The following ERBB2 variants were observed in gnomAD, a reference collection of about 807,000 sequenced individuals.
ERBB2 encodes receptor tyrosine-protein kinase erbB-2.
A neutral mutation model predicts 149.0 loss-of-function variants in ERBB2; 61 were observed. The observed-to-expected ratio is 0.41, with a 90% confidence interval of 0.33 to 0.51. The LOEUF is 0.51. Among genes scored for constraint, ERBB2 ranks in the 20% least tolerant of loss-of-function variants. The pLI is 0.25. For synonymous variants in ERBB2, 633 were observed against 678.8 expected, an observed-to-expected ratio of 0.93 and a Z score of 1.05; for missense variants, 1,205 against 1,655.1, an observed-to-expected ratio of 0.73 and a Z score of 4.72.
upstream of ERBB2, among the ~76,000 whole-genome samples, chr17:39,698,517 C>T (rs2057926068): frequency 6.6e-6 from 1 of 152,098 alleles, no homozygotes; most frequent in Admixed American, 6.6e-5. Flanking sequence ...CCTCGGCCTC[C>T]CAAAGTGCTG....
rs772604432 is a variant in ERBB2, at chr17:39,727,376, G to T, written c.3241G>T (p.Ala1081Ser). 2 of 1,610,880 alleles carry T rather than the reference G, an allele frequency of 1.2e-6. No homozygotes were observed. The highest frequency in any genetic ancestry group is 8.5e-7 in the Non-Finnish European group (1 of 1,178,958). Reference protein sequence around the residue: ...PRSPLAPSEGAGSDVFDGDLG... With the variant: ...PRSPLAPSEGSGSDVFDGDLG... The stretch of plus-strand genomic sequence containing the variant: ...GTCTCCACTGGCACCCTCCGAAGGG[G>T]CTGGCTCCGATGTATTTGATGGTGA... Residue 1081 changes from alanine (A) to serine (S), a missense_variant, in exon 26 of 27, where the codon GCT (alanine) becomes TCT (serine). Ala to Ser is a moderately conservative substitution (Grantham distance 99). Coordinates refer to ENST00000269571, the MANE Select transcript of ERBB2 (RefSeq NM_004448.4). The surrounding 1 kb of genome is among the most constrained non-coding windows in gnomAD (Gnocchi z 4.3).
At chr17:39,716,663 G>A (rs2145693403) in intron 14 of ERBB2, 58 bp downstream of exon 14, 1 of 1,475,846 alleles carries the variant, frequency 6.8e-7, no homozygotes, top group Non-Finnish European at 9.4e-7. Flanking sequence ...GGATTGCCAG[G>A]GACTTGGCAG....
chr17:39,699,707 A>G (rs2057973211), upstream of ERBB2: 9 of 734,186 alleles, frequency 1.2e-5, no homozygotes, highest in Non-Finnish European at 1.9e-5. Context: ...GCTCCCCAGG[A>G]AAGTTTAAGA....
Position 39,721,261 on chromosome 17 carries a change from C to CT in ERBB2, c.1946+1449dup, listed in dbSNP as rs33957748. The stretch of plus-strand genomic sequence containing the variant: ...CACCACTCCTGGCGATGAGCCAAGT[C>CT]TTTTTTTTTTTTTTTTTTTTTTGAT... On this transcript the variant is annotated intron_variant, in intron 16 of 26. Transcript: ENST00000269571. Among the ~76,000 whole-genome samples the CT allele has an allele frequency of 8.1e-3, 669 of 82,942 alleles. 11 individuals carry two copies. The highest frequency in any genetic ancestry group is 0.014 in the African/African-American group (319 of 23,300). 54.4% of individuals were successfully genotyped at this position (82,942 alleles called of 152,430 possible).
chr17:39,695,684 A>T (rs2057841192), upstream of ERBB2, among the ~76,000 whole-genome samples: 1 of 131,298 alleles, frequency 7.6e-6, no homozygotes, highest in South Asian at 2.6e-4. Flanking sequence ...AGGTAGAGGG[A>T]GGAGACTTTG....
chr17:39,698,530 A>G (rs1309915007), upstream of ERBB2, among the ~76,000 whole-genome samples: 2 of 152,136 alleles, frequency 1.3e-5, no homozygotes, highest in Non-Finnish European at 2.9e-5. Context: ...AAGTGCTGGA[A>G]TTACAGGTGT....
At position 39,726,604 on chromosome 17, in the gene ERBB2, T is replaced by C. The variant is rs778440239; in HGVS notation, c.2915T>C (p.Leu972Ser). Residue 972 changes from leucine (L) to serine (S), a missense_variant, in exon 24 of 27, where the codon TTG becomes TCG. Transcript: ENST00000269571. This position sits in a 1 kb window ranked among gnomAD's most constrained non-coding sequence, Gnocchi z 5.1. ...DSECRPRFRE[L>S]VSEFSRMARD... ...GAATGTCGGCCAAGATTCCGGGAGT[T>C]GGTGTCTGAATTCTCCCGCATGGCC... The C allele has an allele frequency of 6.2e-7, 1 of 1,614,162 alleles. No individual in the cohort carries two copies. Among genetic ancestry groups the C allele is most frequent in the South Asian group, 1.1e-5 (1 of 91,092 alleles).
upstream of ERBB2, among the ~76,000 whole-genome samples, chr17:39,694,255 ATATATATATATATGTG>A (rs1567888069): frequency 1.1e-4 from 3 of 28,266 alleles, no homozygotes; most frequent in African/African-American, 2.9e-4. Flanking sequence ...ATATATATAT[ATATATATATATATGTG>A]TGTATATATA....
chr17:39,694,313 ATACACACACACATATATATGTGT>A (rs2057809915), upstream of ERBB2, among the ~76,000 whole-genome samples: 1 of 128,616 alleles, frequency 7.8e-6, no homozygotes, highest in Admixed American at 8.2e-5. Context: ...GTATATATAT[ATACACACACACATATATATGTGT>A]ATATATAAAA....
Position 39,728,167 on chromosome 17 carries a change from G to A in ERBB2, c.*123G>A. 1.5e-6 allele frequency: 1 copy of A among 684,192 alleles called. No individual in the cohort carries two copies. The allele number at this position is 684,192 out of a possible 1,614,324, so 42.4% of individuals were successfully genotyped here. On this transcript the variant is annotated 3_prime_UTR_variant, in exon 27 of 27. Coordinates refer to ENST00000269571, the MANE Select transcript of ERBB2 (RefSeq NM_004448.4). The stretch of plus-strand genomic sequence containing the variant: ...ACTTCCAGGGGAACCTGCCATGCCA[G>A]GAACCTGTCCTAAGGAACCTTCCTT...
chr17:39,715,475 A>C lies in ERBB2; in HGVS notation c.1252A>C (p.Ser418Arg). 1 of 1,614,196 alleles carries C rather than the reference A, an allele frequency of 6.2e-7. No individual in the cohort carries two copies. Among genetic ancestry groups the C allele is most frequent in the Non-Finnish European group, 8.5e-7 (1 of 1,180,038 alleles). Residue 418 changes from serine (S) to arginine (R), a missense_variant, in exon 11 of 27, where the codon AGC becomes CGC. Physicochemically the swap from Ser to Arg is moderately radical, Grantham distance 110. Around this residue, in one of 6 missense-constraint regions of ERBB2, gnomAD observed 569 missense variants for 803.5 expected, o/e 0.71. Transcript: ENST00000269571. Reference sequence around the variant, plus strand: ...CCTATACATCTCAGCATGGCCGGACAGCCTGCCTGACCTCAGCGTCTTCCA... The same window carrying C: ...CCTATACATCTCAGCATGGCCGGACCGCCTGCCTGACCTCAGCGTCTTCCA... The part of the protein sequence containing the change: ...GYLYISAWPD[S>R]LPDLSVFQNL...
chr17:39,694,290 C>T (rs907851796), upstream of ERBB2, among the ~76,000 whole-genome samples: 22 of 36,388 alleles, frequency 6.0e-4, 3 homozygotes, highest in South Asian at 1.3e-3. Flanking sequence ...TATATATATA[C>T]ACATATATAT....
intron 9 of ERBB2, among the ~76,000 whole-genome samples, chr17:39,712,841 A>T (rs903851919): frequency 6.6e-6 from 1 of 152,228 alleles, no homozygotes; most frequent in Non-Finnish European, 1.5e-5. Context: ...CTACCGATAC[A>T]ACATAAATGA....
chr17:39,700,198 G>C lies in ERBB2; in HGVS notation c.-41G>C, dbSNP rs779641368. The C allele has an allele frequency of 7.1e-7, 1 of 1,409,270 alleles. No homozygotes were observed. Among genetic ancestry groups the C allele is most frequent in the South Asian group, 1.5e-5 (1 of 65,198 alleles). The allele number at this position is 1,409,270 out of a possible 1,614,324, so 87.3% of individuals were successfully genotyped here. On this transcript the variant is annotated 5_prime_UTR_variant, in exon 1 of 27. Coordinates refer to ENST00000269571, the MANE Select transcript of ERBB2 (RefSeq NM_004448.4). The stretch of plus-strand genomic sequence containing the variant: ...CCCGCGCCCCGCGCCCTCCCAGCCG[G>C]GTCCAGCCGGAGCCATGGGGCCGGA...
At chr17:39,710,842 G>A (rs940498410) in intron 7 of ERBB2, among the ~76,000 whole-genome samples, 2 of 152,180 alleles carry the variant, frequency 1.3e-5, no homozygotes, top group Non-Finnish European at 2.9e-5. Flanking sequence ...CTCTTAGAAC[G>A]GTGCCTGGTA....
In ERBB2 at chr17:39,719,653, T is replaced by C. The variant is rs907093604; in HGVS notation, c.1899-134T>C. 3 of 867,516 alleles carry C rather than the reference T, an allele frequency of 3.5e-6. No homozygotes were observed. In the Admixed American group the frequency reaches 5.3e-5, roughly 15 times the overall value. The allele number at this position is 867,516 out of a possible 1,614,324, so 53.7% of individuals were successfully genotyped here. A position where few individuals can be genotyped will look rare whatever the true frequency, so the allele number is the denominator to read the frequency against. On this transcript the variant is annotated intron_variant, in intron 15 of 26. Transcript: ENST00000269571. The stretch of plus-strand genomic sequence containing the variant: ...GTGGTAGAAGGAGCACTGACGGCCT[T>C]GAGCCCAGTTTCTGCCTTTGTCAAA...
chr17:39,726,670 T>G lies in ERBB2; in HGVS notation c.2970+11T>G, dbSNP rs1256165679. On this transcript the variant is annotated intron_variant, in intron 24 of 26. Coordinates refer to ENST00000269571, the MANE Select transcript of ERBB2 (RefSeq NM_004448.4). The surrounding 1 kb of genome is among the most constrained non-coding windows in gnomAD (Gnocchi z 5.1). ...TTTGTGGTCATCCAGGTACTGGGCC[T>G]CTGTGCCCCATCCCTGCCTGTGGCT... 6.2e-7 allele frequency: 1 copy of G among 1,612,770 alleles called. No homozygotes were observed. Among genetic ancestry groups the G allele is most frequent in the Non-Finnish European group, 8.5e-7 (1 of 1,178,696 alleles).
intron 15 of ERBB2, 99 bp downstream of exon 15, chr17:39,717,579 A>G: frequency 1.0e-6 from 1 of 989,678 alleles, no homozygotes; most frequent in Admixed American, 2.8e-5. Context: ...CCTTTGTCAT[A>G]TCTTGTTTCT....
At chr17:39,688,817 T>C (rs1198198356) in intron 2 of ERBB2, 1 of 152,384 alleles carries the variant, frequency 6.6e-6, no homozygotes, top group Non-Finnish European at 1.5e-5. Flanking sequence ...GCTAACTGCG[T>C]TTGTTTGTTC....
Sources: gnomAD v4.1 joint callset for allele counts (sites outside exome capture counted in the v4.1 genomes callset) on GRCh38, gnomAD v4.1.1 for gene constraint, gnomAD v4.1.1 regional missense constraint, Gnocchi (gnomAD v3.1) non-coding constraint, MANE v1.5 for transcripts, NCBI Gene and HGNC (gene_info 2026-07-23, HGNC 2026-07-21) for gene names.